XRCC4: variants seen among roughly 807,000 people sequenced by gnomAD.
The protein encoded by XRCC4 is DNA repair protein XRCC4.
Under a neutral mutation model 39.1 loss-of-function variants are expected in XRCC4, and 28 were observed. That is an observed-to-expected ratio of 0.72 (90% CI 0.53 to 0.98). XRCC4 has a LOEUF of 0.98. XRCC4 is among the 50% of genes least tolerant of loss of function. XRCC4 has a pLI of 0.00. For missense variants in XRCC4, 350 were observed against 376.4 expected (o/e 0.93, Z 0.58); for synonymous variants, 123 against 126.4 (o/e 0.97, Z 0.18).
In XRCC4 at chr5:83,153,226, T is replaced by TG. The variant is rs201287478; in HGVS notation, c.315+42023_315+42024insG. Among the ~76,000 whole-genome samples, 489 of 151,950 alleles carry TG rather than the reference T, an allele frequency of 3.2e-3. 2 individuals carry two copies. The highest frequency in any genetic ancestry group is 0.011 in the African/African-American group (466 of 41,410). ...TAGTTCATTCAAACTTTTTTTTTTT[T>TG]TTGACAGAGTCTTGCTCTGTCACTC... On this transcript the variant is annotated intron_variant, in intron 3 of 7. Transcript: ENST00000396027.
chr5:83,300,084 GGTT>G (rs1403345877), intron 7 of XRCC4, among the ~76,000 whole-genome samples: 1 of 152,066 alleles, frequency 6.6e-6, no homozygotes, highest in Non-Finnish European at 1.5e-5. Flanking sequence ...AATGATTTGA[GGTT>G]GTTTTGTTTT....
Position 83,271,509 on chromosome 5 carries a change from C to T in XRCC4, c.893+12832C>T, listed in dbSNP as rs537978590. Among the ~76,000 whole-genome samples, 42 of 152,088 alleles carry T rather than the reference C, an allele frequency of 2.8e-4. No individual in the cohort carries two copies. In the South Asian group the frequency reaches 8.7e-3, roughly 32 times the overall value. ...CAAAATAATAATACATGGCATGTAA[C>T]CATTATATAAATGCTTTGTGGGACA... On this transcript the variant is annotated intron_variant, in intron 7 of 7. Transcript: ENST00000396027.
At chr5:83,169,834 A>G (rs763278724) in intron 3 of XRCC4, among the ~76,000 whole-genome samples, 1 of 152,246 alleles carries the variant, frequency 6.6e-6, no homozygotes, top group Admixed American at 6.5e-5. Context: ...TGTGGAAACC[A>G]GACAGTAAGT....
chr5:83,254,288 G>T lies in XRCC4; in HGVS notation c.746-4242G>T, dbSNP rs545467584. ...AACTTGCAAGCTGATTTAACATATC[G>T]CTCTGCCTTCTTACTCCTTCCATTT... On this transcript the variant is annotated intron_variant, in intron 6 of 7. Coordinates refer to ENST00000396027, the MANE Select transcript of XRCC4 (RefSeq NM_003401.5). Among the ~76,000 whole-genome samples, 3 of 151,870 alleles carry T rather than the reference G, an allele frequency of 2.0e-5. No individual in the cohort carries two copies. In the East Asian group the frequency reaches 5.8e-4, roughly 30 times the overall value.
chr5:83,290,388 A>G, intron 7 of XRCC4, among the ~76,000 whole-genome samples: 1 of 151,288 alleles, frequency 6.6e-6, no homozygotes, highest in Non-Finnish European at 1.5e-5. Flanking sequence ...TCTATTTAAG[A>G]AAATAGAAAC....
intron 3 of XRCC4, among the ~76,000 whole-genome samples, chr5:83,170,058 A>C (rs911404838): frequency 1.3e-5 from 2 of 152,168 alleles, no homozygotes; most frequent in African/African-American, 4.8e-5. Flanking sequence ...GAGAAACTTG[A>C]AGATATACTT....
At chr5:83,233,552 T>C (rs1049951193) in intron 6 of XRCC4, among the ~76,000 whole-genome samples, 2 of 151,974 alleles carry the variant, frequency 1.3e-5, no homozygotes, top group African/African-American at 2.4e-5. Flanking sequence ...TTTATATATA[T>C]ATATATTATG....
rs183846493 is a variant in XRCC4 at position 83,190,850 on chromosome 5, A to C, written c.316-4920A>C. Among the ~76,000 whole-genome samples the C allele has an allele frequency of 1.6e-3, 248 of 152,326 alleles. 1 individual carries two copies. Among genetic ancestry groups the C allele is most frequent in the African/African-American group, 4.9e-3 (204 of 41,578 alleles). ...TTTCAAATCTATGTATTATGATAGC[A>C]TTAAGTGCTATTAAGCAATCTTTAA... On this transcript the variant is annotated intron_variant, in intron 3 of 7. Coordinates refer to ENST00000396027, the MANE Select transcript of XRCC4 (RefSeq NM_003401.5).
At chr5:83,231,775 C>A (rs144317509) in intron 6 of XRCC4, among the ~76,000 whole-genome samples, 1 of 152,014 alleles carries the variant, frequency 6.6e-6, no homozygotes, top group East Asian at 1.9e-4. Flanking sequence ...TTAAACATTG[C>A]GTTATATCCA....
chr5:83,167,596 T>C (rs1015754350), intron 3 of XRCC4, among the ~76,000 whole-genome samples: 14 of 152,116 alleles, frequency 9.2e-5, no homozygotes, highest in African/African-American at 2.7e-4. Flanking sequence ...AATGCTTGTG[T>C]GGTGATAGGA....
intron 3 of XRCC4, among the ~76,000 whole-genome samples, chr5:83,126,630 C>T (rs1219816149): frequency 3.3e-5 from 5 of 152,184 alleles, no homozygotes; most frequent in African/African-American, 1.2e-4. Flanking sequence ...CCCTTCTCCA[C>T]TACTGCAATG....
intron 6 of XRCC4, among the ~76,000 whole-genome samples, chr5:83,257,053 TAG>T (rs1437030163): frequency 1.3e-5 from 2 of 152,054 alleles, no homozygotes; most frequent in Non-Finnish European, 2.9e-5. Flanking sequence ...GGAATTTCAG[TAG>T]AGTGTTCAAC....
chr5:83,330,806 T>C (rs1756414820), intron 7 of XRCC4, among the ~76,000 whole-genome samples: 3 of 152,072 alleles, frequency 2.0e-5, no homozygotes, highest in Admixed American at 1.3e-4. Context: ...AGTTTTGGGT[T>C]TTCCCTTTTA....
chr5:83,171,545 C>G (rs1418787335), intron 3 of XRCC4, among the ~76,000 whole-genome samples: 2 of 152,116 alleles, frequency 1.3e-5, no homozygotes, highest in Non-Finnish European at 2.9e-5. Flanking sequence ...TACTGGCACA[C>G]AATTCCAAAA....
intron 3 of XRCC4, among the ~76,000 whole-genome samples, chr5:83,144,075 G>A (rs565256143): frequency 1.3e-5 from 2 of 151,838 alleles, no homozygotes; most frequent in South Asian, 4.1e-4. Context: ...CCCCTTCTGA[G>A]TCTCAGATGT....
At chr5:83,324,039 G>A (rs1189511205) in intron 7 of XRCC4, among the ~76,000 whole-genome samples, 1 of 152,082 alleles carries the variant, frequency 6.6e-6, no homozygotes, top group East Asian at 1.9e-4. Flanking sequence ...TTGGAATGAT[G>A]TAGCAGAATA....
At chr5:83,324,174 C>T (rs1041595176) in intron 7 of XRCC4, among the ~76,000 whole-genome samples, 1 of 152,086 alleles carries the variant, frequency 6.6e-6, no homozygotes, top group African/African-American at 2.4e-5. Flanking sequence ...GTAGCCTTGC[C>T]TGTTCCTATT....
chr5:83,131,568 T>G (rs1324441482), intron 3 of XRCC4, among the ~76,000 whole-genome samples: 1 of 152,206 alleles, frequency 6.6e-6, no homozygotes, highest in Non-Finnish European at 1.5e-5. Flanking sequence ...GCTCCTGTAT[T>G]GGGTGAATAT....
intron 4 of XRCC4, among the ~76,000 whole-genome samples, chr5:83,200,425 G>A (rs758240719): frequency 4.6e-5 from 7 of 152,102 alleles, no homozygotes; most frequent in Non-Finnish European, 1.0e-4. Context: ...TCTATTGACT[G>A]TGTTTTCCTG....
Sources: allele counts gnomAD v4.1 joint callset (sites outside exome capture counted in the v4.1 genomes callset), GRCh38; gene constraint gnomAD v4.1.1; transcripts MANE v1.5; gene names NCBI Gene and HGNC (gene_info 2026-07-23, HGNC 2026-07-21).